Variants in TJP2 observed in about 807,000 individuals in gnomAD.
TJP2 encodes the protein tight junction protein 2, also known as Friedreich ataxia region gene X104 (tight junction protein ZO-2).
TJP2 carries 91 observed loss-of-function variants against 133.1 expected under a neutral mutation model. The observed-to-expected ratio is 0.68, with a 90% CI of 0.58 to 0.81. TJP2 has a LOEUF of 0.81. TJP2 is among the 40% of genes least tolerant of loss of function. The probability of loss-of-function intolerance (pLI) is 0.00; values close to 1 mark genes in which losing one functional copy is unlikely to be tolerated. For synonymous variants in TJP2, 592 were observed against 583.4 expected (o/e 1.01, Z -0.21); for missense variants, 1,541 against 1,565.6 (o/e 0.98, Z 0.26).
At position 69,174,351 on chromosome 9, in the gene TJP2, C is replaced by G; in HGVS notation, c.-22C>G. The G allele has an allele frequency of 6.4e-7, 1 of 1,551,392 alleles. No homozygotes were observed. Among genetic ancestry groups the G allele is most frequent in the Non-Finnish European group, 8.7e-7 (1 of 1,146,920 alleles). ...AGAAGCGGGGTCCGGAGCTGCGCGC[C>G]TACGCGGGACCTGTGTCCGAAATGC... On this transcript the variant is annotated 5_prime_UTR_variant, in exon 1 of 23. Coordinates refer to ENST00000377245, the MANE Select transcript of TJP2 (RefSeq NM_004817.4).
intron 1 of TJP2, among the ~76,000 whole-genome samples, chr9:69,191,218 C>T (rs543010721): frequency 1.0e-4 from 15 of 146,078 alleles, no homozygotes; most frequent in South Asian, 9.3e-4. Context: ...AGATTTCCTC[C>T]GTGTTAGGTG....
At chr9:69,207,329 G>A (rs945649650) in intron 1 of TJP2, among the ~76,000 whole-genome samples, 3 of 152,080 alleles carry the variant, frequency 2.0e-5, no homozygotes, top group Non-Finnish European at 2.9e-5. Context: ...CTTCTGGGGT[G>A]TTTTTTTGCT....
intron 1 of TJP2, among the ~76,000 whole-genome samples, chr9:69,207,340 C>G (rs1046552187): frequency 1.3e-5 from 2 of 151,982 alleles, no homozygotes; most frequent in African/African-American, 2.4e-5. Flanking sequence ...TTTTTTTGCT[C>G]AACTTTATGT....
chr9:69,170,047 C>T (rs1000812568), upstream of TJP2, among the ~76,000 whole-genome samples: 4 of 152,052 alleles, frequency 2.6e-5, no homozygotes, highest in Non-Finnish European at 5.9e-5. Context: ...CAGAATCTCA[C>T]TATGTTGTCC....
intron 2 of TJP2, among the ~76,000 whole-genome samples, chr9:69,167,865 C>CAAAAAAA (rs33986127): frequency 1.6e-5 from 2 of 128,962 alleles, no homozygotes. Context: ...GAGAGTCTGT[C>CAAAAAAA]AAAAAAAAAA....
At chr9:69,197,015 T>A (rs1377176698) in intron 1 of TJP2, among the ~76,000 whole-genome samples, 1 of 148,916 alleles carries the variant, frequency 6.7e-6, no homozygotes, top group African/African-American at 2.5e-5. Context: ...GTCGCCCAGG[T>A]TGGAGTGCAG....
In TJP2 at chr9:69,246,925, G is replaced by A. The variant is rs2275429; in HGVS notation, c.2667+135G>A. 2,105 of 807,974 alleles carry A rather than the reference G, an allele frequency of 2.6e-3. 51 individuals carry two copies. The East Asian group carries it at 0.048, about 18-fold the overall frequency. The allele number at this position is 807,974 out of a possible 1,614,324, so 50.1% of individuals were successfully genotyped here. ...GTGTGCTAATCAAGTTTGAAATTTCGTAAATTCTCTGACCAAGTAATAAAA... is the reference window on the plus strand; with the variant it reads ...GTGTGCTAATCAAGTTTGAAATTTCATAAATTCTCTGACCAAGTAATAAAA... On this transcript the variant is annotated intron_variant, in intron 18 of 22. Transcript: ENST00000377245.
chr9:69,252,710 ATAAG>A, intron 21 of TJP2, 101 bp from the exon 22 acceptor site: 1 of 1,077,936 alleles, frequency 9.3e-7, no homozygotes, highest in Middle Eastern at 2.0e-4. Context: ...GGATGGGAAA[ATAAG>A]TAGGATATGG....
intron 16 of TJP2, among the ~76,000 whole-genome samples, chr9:69,239,139 A>C (rs1480392277): frequency 6.6e-6 from 1 of 152,190 alleles, no homozygotes; most frequent in Non-Finnish European, 1.5e-5. Flanking sequence ...CAGTGAGCGG[A>C]GATTGCACCA....
At chr9:69,147,925 CTT>C (rs71951691) in intron 1 of TJP2, among the ~76,000 whole-genome samples, 113,771 of 143,816 alleles carry the variant, frequency 0.79, 44,874 homozygotes, top group Admixed American at 0.82. Context: ...TCACTGATCA[CTT>C]TTTTTTTTTT....
intron 11 of TJP2, among the ~76,000 whole-genome samples, chr9:69,231,105 C>CTGTTTTTTT (rs1041261521): frequency 7.8e-6 from 1 of 128,960 alleles, no homozygotes; most frequent in Non-Finnish European, 1.7e-5. Context: ...TACTAGGGAA[C>CTGTTTTTTT]TGTTTTTTTT....
Position 69,240,132 on chromosome 9 carries a change from G to T in TJP2, c.2551G>T (p.Ala851Ser). ...DQANKLKKTC[A>S]HLFTATINLN... ...AGCCAACAAGCTTAAAAAAACGTGT[G>T]CACACCTTTTTACAGGTAAGTGAAA... is the stretch of plus-strand genomic sequence containing the variant. The change falls in exon 17 of 23, where the codon GCA becomes TCA. Residue 851 changes from alanine to serine, a missense_variant. Ala to Ser is a moderately conservative substitution (Grantham distance 99). Coordinates refer to ENST00000377245, the MANE Select transcript of TJP2 (RefSeq NM_004817.4). 1 of 1,613,846 alleles carries T rather than the reference G, an allele frequency of 6.2e-7. No individual in the cohort carries two copies. Among genetic ancestry groups the T allele is most frequent in the Non-Finnish European group, 8.5e-7 (1 of 1,179,914 alleles).
At chr9:69,215,988 CG>C (rs780208316) in intron 2 of TJP2, among the ~76,000 whole-genome samples, 1 of 152,156 alleles carries the variant, frequency 6.6e-6, no homozygotes, top group Non-Finnish European at 1.5e-5. Context: ...TGTTCCAGCT[CG>C]GGCCAGCATG....
chr9:69,192,744 G>A (rs1487996190), intron 1 of TJP2, among the ~76,000 whole-genome samples: 1 of 152,130 alleles, frequency 6.6e-6, no homozygotes, highest in Non-Finnish European at 1.5e-5. Flanking sequence ...TGCTGCAGCA[G>A]TGGCTTTGGG....
At chr9:69,230,291 T>C in intron 11 of TJP2, 59 bp downstream of exon 11, 6 of 1,607,376 alleles carry the variant, frequency 3.7e-6, no homozygotes, top group Non-Finnish European at 5.1e-6. Flanking sequence ...CTTTTCTGGG[T>C]GTTCTTTCTG....
chr9:69,171,616 C>T (rs1229134688), upstream of TJP2, among the ~76,000 whole-genome samples: 2 of 152,082 alleles, frequency 1.3e-5, no homozygotes, highest in African/African-American at 4.8e-5. Flanking sequence ...AAAGCCTTCC[C>T]TAAGTCTCTC....
chr9:69,253,020 G>A (rs1255016376), intron 22 of TJP2, 120 bp downstream of exon 22: 2 of 865,816 alleles, frequency 2.3e-6, no homozygotes, highest in Non-Finnish European at 3.7e-6. Flanking sequence ...CCCACAGATT[G>A]ACTGTTTGCC....
chr9:69,218,527 T>G, intron 4 of TJP2, 168 bp downstream of exon 4: 1 of 665,656 alleles, frequency 1.5e-6, no homozygotes, highest in Non-Finnish European at 2.7e-6. Flanking sequence ...GTAAGTTATC[T>G]TCCTACTTTT....
chr9:69,195,234 T>C (rs1302479796), intron 1 of TJP2, among the ~76,000 whole-genome samples: 2 of 152,246 alleles, frequency 1.3e-5, no homozygotes, highest in African/African-American at 2.4e-5. Flanking sequence ...TTTAGTGTTA[T>C]ATAAGTTTAG....
Sources: allele counts gnomAD v4.1 joint callset (sites outside exome capture counted in the v4.1 genomes callset), GRCh38; gene constraint gnomAD v4.1.1; transcripts MANE v1.5; gene names NCBI Gene and HGNC (gene_info 2026-07-23, HGNC 2026-07-21).